SPTLC3: variants seen among roughly 807,000 people sequenced by gnomAD.
The protein encoded by SPTLC3 is serine palmitoyltransferase 3.
Under a neutral mutation model 59.3 loss-of-function variants are expected in SPTLC3, and 36 were observed. The observed-to-expected ratio is 0.61, with a 90% CI of 0.47 to 0.80. The LOEUF is 0.80. SPTLC3 is among the 30% of genes least tolerant of loss of function. The pLI is 0.00. For missense variants in SPTLC3, 625 were observed against 685.1 expected, an observed-to-expected ratio of 0.91 and a Z score of 0.98; for synonymous variants, 257 against 240.8, an observed-to-expected ratio of 1.07 and a Z score of -0.62.
intron 1 of SPTLC3, among the ~76,000 whole-genome samples, chr20:13,030,181 T>C (rs1434033284): frequency 6.6e-6 from 1 of 152,178 alleles, no homozygotes; most frequent in East Asian, 1.9e-4. Flanking sequence ...TGGCTGCCCC[T>C]ACTGTGAAGA....
At chr20:13,077,005 A>C (rs1222435206) in intron 4 of SPTLC3, among the ~76,000 whole-genome samples, 1 of 152,212 alleles carries the variant, frequency 6.6e-6, no homozygotes, top group Non-Finnish European at 1.5e-5. Flanking sequence ...TAAGATGTGA[A>C]ATTATGTACT....
At chr20:13,018,139 G>C (rs1985637180) in intron 1 of SPTLC3, among the ~76,000 whole-genome samples, 1 of 152,190 alleles carries the variant, frequency 6.6e-6, no homozygotes, top group Non-Finnish European at 1.5e-5. Context: ...AGCTGTCCCT[G>C]TTGGGCTCTG....
chr20:13,130,218 C>T (rs779270772), intron 9 of SPTLC3, among the ~76,000 whole-genome samples: 25 of 152,168 alleles, frequency 1.6e-4, no homozygotes, highest in Non-Finnish European at 3.7e-4. Flanking sequence ...ATTGCATTAG[C>T]TCACCCCTTT....
intron 6 of SPTLC3, among the ~76,000 whole-genome samples, chr20:13,106,345 A>G (rs1174532996): frequency 5.9e-5 from 9 of 152,208 alleles, no homozygotes; most frequent in Admixed American, 5.9e-4. Context: ...ACTTCATGGA[A>G]GAGAGACATG....
intron 4 of SPTLC3, chr20:13,079,618 C>A: frequency 3.5e-6 from 1 of 286,722 alleles, no homozygotes; most frequent in South Asian, 2.8e-5. Context: ...GTGTGTGTTC[C>A]CAGGGAGGAC....
At chr20:13,077,613 A>G (rs1301484826) in intron 4 of SPTLC3, among the ~76,000 whole-genome samples, 5 of 152,162 alleles carry the variant, frequency 3.3e-5, no homozygotes, top group Non-Finnish European at 2.9e-5. Flanking sequence ...AGTTGTGTAC[A>G]TAGAGGAAAA....
intron 2 of SPTLC3, among the ~76,000 whole-genome samples, chr20:13,052,497 GT>G (rs1305241776): frequency 1.3e-5 from 2 of 151,992 alleles, no homozygotes; most frequent in South Asian, 4.2e-4. Flanking sequence ...TTGTTGTTTG[GT>G]TTTTTTCACA....
chr20:13,156,117 G>A (rs1466917066), intron 10 of SPTLC3, among the ~76,000 whole-genome samples: 1 of 152,150 alleles, frequency 6.6e-6, no homozygotes, highest in African/African-American at 2.4e-5. Context: ...TTGGGGAAAT[G>A]ATGTGTGTTG....
intron 2 of SPTLC3, among the ~76,000 whole-genome samples, chr20:13,055,417 C>CA (rs1233417012): frequency 1.3e-5 from 2 of 152,010 alleles, no homozygotes; most frequent in Non-Finnish European, 2.9e-5. Context: ...CTAACCCCAC[C>CA]AGCTGCACTG....
chr20:13,039,670 A>G (rs1489439407), intron 1 of SPTLC3, among the ~76,000 whole-genome samples: 1 of 151,984 alleles, frequency 6.6e-6, no homozygotes, highest in Non-Finnish European at 1.5e-5. Context: ...TGTATATCTC[A>G]TGTCCTTTTT....
At chr20:13,074,901 T>C (rs1988587575) in intron 4 of SPTLC3, among the ~76,000 whole-genome samples, 1 of 152,134 alleles carries the variant, frequency 6.6e-6, no homozygotes, top group African/African-American at 2.4e-5. Context: ...ATTGGACTTG[T>C]GGAATGTTGC....
chr20:13,065,265 G>GT (rs34809007), intron 2 of SPTLC3, among the ~76,000 whole-genome samples: 46,557 of 137,668 alleles, frequency 0.34, 8,630 homozygotes, highest in African/African-American at 0.49. Context: ...ATTTGTTAGA[G>GT]TTTTTTTTTT....
chr20:13,141,334 G>A (rs1278152547), intron 9 of SPTLC3, among the ~76,000 whole-genome samples: 1 of 152,130 alleles, frequency 6.6e-6, no homozygotes, highest in African/African-American at 2.4e-5. Flanking sequence ...CTCTTCTCTA[G>A]GGAAGAGGGA....
At chr20:13,092,345 A>G (rs983481108) in intron 5 of SPTLC3, among the ~76,000 whole-genome samples, 1 of 152,274 alleles carries the variant, frequency 6.6e-6, no homozygotes, top group African/African-American at 2.4e-5. Flanking sequence ...GGTTCATTGC[A>G]AGTAAGCAAG....
chr20:13,167,791 A>G lies in SPTLC3; in HGVS notation c.*2924A>G, dbSNP rs887317618. 1 of 152,208 alleles carries G rather than the reference A, an allele frequency of 6.6e-6. No homozygotes were observed. Among genetic ancestry groups the G allele is most frequent in the African/African-American group, 2.4e-5 (1 of 41,434 alleles). The allele number at this position is 152,208 out of a possible 1,614,324, so 9.4% of individuals were successfully genotyped here. A position where few individuals can be genotyped will look rare whatever the true frequency, so the allele number is the denominator to read the frequency against. On this transcript the variant is annotated 3_prime_UTR_variant, in exon 12 of 12. Transcript: ENST00000399002. Reference sequence around the variant, plus strand: ...TAGGCCCTACACCAGACCTTTACTGAAACATAATAGTTGTAGTGCCCAGGA... The same window carrying G: ...TAGGCCCTACACCAGACCTTTACTGGAACATAATAGTTGTAGTGCCCAGGA...
intron 1 of SPTLC3, among the ~76,000 whole-genome samples, chr20:13,018,233 A>G (rs550251407): frequency 6.6e-6 from 1 of 152,344 alleles, no homozygotes; most frequent in African/African-American, 2.4e-5. Flanking sequence ...AAAACTGAAT[A>G]CATGGATATT....
At chr20:13,056,208 T>G (rs1173955820) in intron 2 of SPTLC3, among the ~76,000 whole-genome samples, 1 of 152,206 alleles carries the variant, frequency 6.6e-6, no homozygotes, top group African/African-American at 2.4e-5. Flanking sequence ...ATTAATGATT[T>G]ACCTTTCTTT....
At chr20:13,065,236 C>T (rs1988148892) in intron 2 of SPTLC3, among the ~76,000 whole-genome samples, 1 of 149,230 alleles carries the variant, frequency 6.7e-6, no homozygotes, top group Non-Finnish European at 1.5e-5. Context: ...TATATTAATG[C>T]CTTTCACTGT....
At chr20:13,017,985 A>C (rs1030404962) in intron 1 of SPTLC3, among the ~76,000 whole-genome samples, 8 of 152,188 alleles carry the variant, frequency 5.3e-5, no homozygotes, top group Non-Finnish European at 8.8e-5. Context: ...CAAGAAGTTC[A>C]AGGAGAGAAA....
Sources: allele counts gnomAD v4.1 joint callset (sites outside exome capture counted in the v4.1 genomes callset), GRCh38; gene constraint gnomAD v4.1.1; transcripts MANE v1.5; gene names NCBI Gene and HGNC (gene_info 2026-07-23, HGNC 2026-07-21).